The following MMP2 variants were observed in gnomAD, a reference collection of about 807,000 sequenced individuals.
MMP2 encodes matrix metallopeptidase 2, also known as 72 kDa type IV collagenase.
A neutral mutation model predicts 74.8 loss-of-function variants in MMP2; 39 were observed. That is an observed-to-expected ratio of 0.52 (90% confidence interval 0.40 to 0.68). MMP2 has a LOEUF of 0.68. Among genes scored for constraint, MMP2 ranks in the 30% least tolerant of loss-of-function variants. MMP2 has a pLI of 0.00. For synonymous variants in MMP2, 367 were observed against 339.8 expected (o/e 1.08, Z -0.88); for missense variants, 803 against 878.3 (o/e 0.91, Z 1.08).
intron 6 of MMP2, 192 bp downstream of exon 6, chr16:55,488,908 T>C: frequency 1.5e-6 from 1 of 650,770 alleles, no homozygotes; most frequent in Non-Finnish European, 2.7e-6. Flanking sequence ...GCCTGGGCAC[T>C]GAAATCAGAA....
intron 7 of MMP2, among the ~76,000 whole-genome samples, chr16:55,491,301 A>G (rs1962399349): frequency 6.6e-6 from 1 of 152,140 alleles, no homozygotes; most frequent in Non-Finnish European, 1.5e-5. Flanking sequence ...GCTGTGGCTC[A>G]GCCTGTGCAA....
At position 55,483,987 on chromosome 16, in the gene MMP2, A is replaced by G. The variant is rs7184360; in HGVS notation, c.381-29A>G. 6.5e-3 allele frequency: 10,495 copies of G among 1,612,282 alleles called. 182 individuals carry two copies. The highest frequency in any genetic ancestry group is 0.055 in the African/African-American group (4,157 of 74,958). ...TACATACACTTATGCACATGCATAC[A>G]CACTCACATGCAGTTCTACCACCTC... On this transcript the variant is annotated intron_variant, in intron 2 of 12. Transcript: ENST00000219070.
At chr16:55,488,464 G>A (rs377231225) in intron 5 of MMP2, 79 bp from the exon 6 acceptor site, 89 of 1,399,106 alleles carry the variant, frequency 6.4e-5, no homozygotes, top group African/African-American at 2.0e-4. Context: ...GGTGTGAACC[G>A]GCAGGTGGGC....
rs147506379 is a variant in MMP2 at position 55,505,654 on chromosome 16, C to T, written c.*212C>T. On this transcript the variant is annotated 3_prime_UTR_variant, in exon 13 of 13. Coordinates refer to ENST00000219070, the MANE Select transcript of MMP2 (RefSeq NM_004530.6). ...GCTGACTGTACTCCTCCCAGGCGCCCCTTCCCCCTCCAATCCCACCAACCC... is the reference window on the plus strand; with the variant it reads ...GCTGACTGTACTCCTCCCAGGCGCCTCTTCCCCCTCCAATCCCACCAACCC... 712 of 599,018 alleles carry T rather than the reference C, an allele frequency of 1.2e-3. No homozygotes were observed. The highest frequency in any genetic ancestry group is 1.7e-3 in the Non-Finnish European group (579 of 334,994). 37.1% of individuals were successfully genotyped at this position (599,018 alleles called of 1,614,324 possible).
chr16:55,491,784 C>T lies in MMP2; in HGVS notation c.1181-17C>T. On this transcript the variant is annotated splice_polypyrimidine_tract_variant and intron_variant, in intron 7 of 12. Transcript: ENST00000219070. Reference sequence around the variant, plus strand: ...TCTTCCTGTCTTTCAACCCTCTCTCCTCCCTGCAACCCTCAGGGTACAGCC... The same window carrying T: ...TCTTCCTGTCTTTCAACCCTCTCTCTTCCCTGCAACCCTCAGGGTACAGCC... The T allele has an allele frequency of 6.2e-7, 1 of 1,614,172 alleles. No individual in the cohort carries two copies. Among genetic ancestry groups the T allele is most frequent in the Non-Finnish European group, 8.5e-7 (1 of 1,180,018 alleles).
chr16:55,485,151 C>T (rs899107875), intron 3 of MMP2, 148 bp from the exon 4 acceptor site: 13 of 1,083,142 alleles, frequency 1.2e-5, no homozygotes, highest in Non-Finnish European at 1.8e-5. Context: ...CTACTGAGCT[C>T]CTGTTGACAG....
chr16:55,485,498 A>C, intron 4 of MMP2, 71 bp downstream of exon 4: 1 of 1,613,066 alleles, frequency 6.2e-7, no homozygotes, highest in Non-Finnish European at 8.5e-7. Context: ...TGCTTGGACC[A>C]GAGAGGTGGG....
rs1962045546 is a variant in MMP2 at position 55,479,622 on chromosome 16, A to G, written c.143A>G (p.Glu48Gly). The change falls in exon 1 of 13, where the codon GAG becomes GGG. Residue 48 changes from glutamate to glycine, a missense_variant. Physicochemically the swap from Glu to Gly is moderately conservative, Grantham distance 98 (BLOSUM62 -2). Around this residue, in one of 3 missense-constraint regions of MMP2, gnomAD observed 223 missense variants for 232.8 expected, o/e 0.96. Transcript: ENST00000219070. ...PGDVAPKTDKELAVQYLNTFY... is the reference protein window; with the variant it reads ...PGDVAPKTDKGLAVQYLNTFY... ...GATGTCGCCCCCAAAACGGACAAAG[A>G]GTTGGCAGTGGTGAGTTGCTGCGCT... 4 of 1,613,726 alleles carry G rather than the reference A, an allele frequency of 2.5e-6. No homozygotes were observed. The highest frequency in any genetic ancestry group is 3.4e-6 in the Non-Finnish European group (4 of 1,179,978).
chr16:55,479,782 T>C lies in MMP2; in HGVS notation c.153+150T>C, dbSNP rs1233285831. On this transcript the variant is annotated intron_variant, in intron 1 of 12. Coordinates refer to ENST00000219070, the MANE Select transcript of MMP2 (RefSeq NM_004530.6). ...GCTTGGGGGGTCTTTGGCAAGCTAT[T>C]GGAGTGATCTCTTGCAAACGGTGGG... is the stretch of plus-strand genomic sequence containing the variant. 21 of 971,274 alleles carry C rather than the reference T, an allele frequency of 2.2e-5. No homozygotes were observed. In the Admixed American group the frequency reaches 4.5e-4, roughly 21 times the overall value. The allele number at this position is 971,274 out of a possible 1,614,324, so 60.2% of individuals were successfully genotyped here.
At chr16:55,496,401 CT>C (rs1962529590) in intron 9 of MMP2, among the ~76,000 whole-genome samples, 1 of 151,668 alleles carries the variant, frequency 6.6e-6, no homozygotes, top group South Asian at 2.1e-4. Context: ...AGAGTGCATG[CT>C]GTCTTAAAAG....
At chr16:55,490,654 G>A (rs1962382870) in intron 7 of MMP2, among the ~76,000 whole-genome samples, 7 of 152,218 alleles carry the variant, frequency 4.6e-5, no homozygotes, top group Admixed American at 4.6e-4. Context: ...AATTAGGCAA[G>A]CCTGTCTTTA....
At position 55,485,771 on chromosome 16, in the gene MMP2, C is replaced by T. The variant is rs902146651; in HGVS notation, c.826C>T (p.His276Tyr). 3 of 1,613,544 alleles carry T rather than the reference C, an allele frequency of 1.9e-6. No individual in the cohort carries two copies. Among genetic ancestry groups the T allele is most frequent in the Non-Finnish European group, 2.5e-6 (3 of 1,180,014 alleles). The change falls in exon 5 of 13, where the codon CAT becomes TAT. Residue 276 changes from histidine (H) to tyrosine (Y), a missense_variant. By Grantham distance (83) the His-to-Tyr change is moderately conservative. Around this residue, in one of 3 missense-constraint regions of MMP2, gnomAD observed 555 missense variants for 592.0 expected, o/e 0.94. Transcript: ENST00000219070. ...EKDGKYGFCPHEALFTMGGNA... is the reference protein window; with the variant it reads ...EKDGKYGFCPYEALFTMGGNA... Reference sequence around the variant, plus strand: ...GGATGGCAAGTACGGCTTCTGTCCCCATGAAGGTGAGCATCCACTCTAGTC... The same window carrying T: ...GGATGGCAAGTACGGCTTCTGTCCCTATGAAGGTGAGCATCCACTCTAGTC...
At position 55,497,048 on chromosome 16, in the gene MMP2, C is replaced by G; in HGVS notation, c.1595C>G (p.Ala532Gly). 2.5e-6 allele frequency: 4 copies of G among 1,614,144 alleles called. No homozygotes were observed. Among genetic ancestry groups the G allele is most frequent in the Non-Finnish European group, 3.4e-6 (4 of 1,180,028 alleles). The part of the protein sequence containing the change: ...AVYEAPQEEK[A>G]VFFAGNEYWI... ...TACGAGGCCCCACAGGAGGAGAAGG[C>G]TGTGTTCTTTGCAGGTGTGTGGGAA... The change falls in exon 10 of 13, where the codon GCT becomes GGT. Residue 532 changes from alanine to glycine, a missense_variant. Physicochemically the swap from Ala to Gly is moderately conservative, Grantham distance 60. This residue lies in a region of MMP2 where 555 missense variants were observed against 592.0 expected (regional missense o/e 0.94). Coordinates refer to ENST00000219070, the MANE Select transcript of MMP2 (RefSeq NM_004530.6).
At chr16:55,486,937 C>A (rs1962275357) in intron 5 of MMP2, 1 of 152,196 alleles carries the variant, frequency 6.6e-6, no homozygotes, top group Admixed American at 6.5e-5. Context: ...TAATTCCCTT[C>A]CTGTTTATGC....
chr16:55,505,249 T>C, intron 12 of MMP2, 90 bp from the exon 13 acceptor site: 1 of 1,083,596 alleles, frequency 9.2e-7, no homozygotes. Flanking sequence ...TTCTTCCCTA[T>C]GCCAGGCAGA....
chr16:55,479,476 T>C lies in MMP2; in HGVS notation c.-4T>C. 6.4e-7 allele frequency: 1 copy of C among 1,560,652 alleles called. No homozygotes were observed. The highest frequency in any genetic ancestry group is 8.7e-7 in the Non-Finnish European group (1 of 1,153,388). On this transcript the variant is annotated 5_prime_UTR_variant, in exon 1 of 13. Transcript: ENST00000219070. ...GGCGACGCGCGGGGCCAGGGAGCGC[T>C]ACGATGGAGGCGCTAATGGCCCGGG...
rs1337574857 is a variant in MMP2, at chr16:55,505,667, A to G, written c.*225A>G. On this transcript the variant is annotated 3_prime_UTR_variant, in exon 13 of 13. Coordinates refer to ENST00000219070, the MANE Select transcript of MMP2 (RefSeq NM_004530.6). ...CTCCCAGGCGCCCCTTCCCCCTCCAATCCCACCAACCCTCAGAGCCACCCC... is the reference window on the plus strand; with the variant it reads ...CTCCCAGGCGCCCCTTCCCCCTCCAGTCCCACCAACCCTCAGAGCCACCCC... The G allele has an allele frequency of 3.4e-6, 2 of 582,876 alleles. No homozygotes were observed. The highest frequency in any genetic ancestry group is 1.9e-5 in the African/African-American group (1 of 53,332). 36.1% of individuals were successfully genotyped at this position (582,876 alleles called of 1,614,324 possible).
chr16:55,499,872 A>G (rs1257795955), intron 11 of MMP2, among the ~76,000 whole-genome samples: 3 of 151,910 alleles, frequency 2.0e-5, no homozygotes, highest in Non-Finnish European at 1.5e-5. Context: ...CCCTCCTGGT[A>G]TCCCCACATT....
chr16:55,505,397 G>A lies in MMP2; in HGVS notation c.1938G>A (p.Lys646=), dbSNP rs1474324890. ...TGAAGCTGGAGAACCAAAGTCTGAA[G>A]AGCGTGAAGTTTGGAAGCATCAAAT... The part of the protein sequence containing the change: ...YYLKLENQSL[K]SVKFGSIKSD... The change falls in exon 13 of 13, where the codon AAG becomes AAA. Residue 646 remains lysine, a synonymous_variant. Coordinates refer to ENST00000219070, the MANE Select transcript of MMP2 (RefSeq NM_004530.6). The A allele has an allele frequency of 1.2e-6, 2 of 1,614,038 alleles. No individual in the cohort carries two copies. Among genetic ancestry groups the A allele is most frequent in the East Asian group, 2.2e-5 (1 of 44,874 alleles).
Sources: allele counts gnomAD v4.1 joint callset (sites outside exome capture counted in the v4.1 genomes callset), GRCh38; gene constraint gnomAD v4.1.1; regional missense constraint gnomAD v4.1.1; transcripts MANE v1.5; gene names NCBI Gene and HGNC (gene_info 2026-07-23, HGNC 2026-07-21).